Variants in UGT1A4 observed in about 807,000 individuals in gnomAD.
UGT1A4 encodes UDP-glucuronosyltransferase 1A4.
In UGT1A4, 32 loss-of-function variants were observed where a neutral mutation model predicts 41.1. The observed-to-expected ratio is 0.78, with a 90% CI of 0.59 to 1.05. The LOEUF (loss-of-function observed/expected upper bound fraction) is 1.05. Among genes scored for constraint, UGT1A4 ranks in the 50% least tolerant of loss-of-function variants. UGT1A4 has a pLI of 0.00. For missense variants in UGT1A4, 748 were observed against 677.4 expected (o/e 1.10, Z -1.16); for synonymous variants, 283 against 265.1 (o/e 1.07, Z -0.66).
chr2:233,771,766 C>T (rs1025155606), intron 4 of UGT1A4, among the ~76,000 whole-genome samples: 1 of 151,968 alleles, frequency 6.6e-6, no homozygotes, highest in African/African-American at 2.4e-5. Context: ...CTTCCTCCGT[C>T]CCTCTCTCCT....
chr2:233,729,088 C>A, intron 1 of UGT1A4: 8 of 1,612,432 alleles, frequency 5.0e-6, no homozygotes, highest in Non-Finnish European at 6.8e-6. Flanking sequence ...GCAGGCACAG[C>A]GTGGGGTGGA....
At chr2:233,743,661 G>C in intron 1 of UGT1A4, 1 of 1,367,236 alleles carries the variant, frequency 7.3e-7, no homozygotes, top group Non-Finnish European at 9.8e-7. Flanking sequence ...TACTCGAAGG[G>C]GTCCTCGAAG....
intron 1 of UGT1A4, among the ~76,000 whole-genome samples, chr2:233,764,749 G>A (rs2126012049): frequency 6.6e-6 from 1 of 152,298 alleles, no homozygotes; most frequent in East Asian, 1.9e-4. Flanking sequence ...GAGATGTGGT[G>A]CAGACCCTAG....
At chr2:233,736,661 C>T (rs568296788) in intron 1 of UGT1A4, among the ~76,000 whole-genome samples, 1 of 152,264 alleles carries the variant, frequency 6.6e-6, no homozygotes, top group Admixed American at 6.5e-5. Flanking sequence ...GTTTTATGTA[C>T]CTTAGGTCTT....
chr2:233,743,077 A>C (rs980978105), intron 1 of UGT1A4: 3 of 344,556 alleles, frequency 8.7e-6, no homozygotes, highest in African/African-American at 2.2e-5. Context: ...TGTTGGCATG[A>C]AGTGTTTATA....
intron 1 of UGT1A4, among the ~76,000 whole-genome samples, chr2:233,765,966 G>A (rs538817499): frequency 3.1e-4 from 47 of 152,252 alleles, no homozygotes; most frequent in African/African-American, 1.1e-3. Context: ...GTGTCTAGAG[G>A]TGGATGTTTA....
rs757687307 is a variant in UGT1A4, at chr2:233,767,853, T to A, written c.1004T>A (p.Leu335Gln). The change falls in exon 3 of 5, where the codon CTG (leucine) becomes CAG (glutamine). Residue 335 changes from leucine (L) to glutamine (Q), a missense_variant. Physicochemically the swap from Leu to Gln is moderately radical, Grantham distance 113 (BLOSUM62 -2). Transcript: ENST00000373409. ...DALGKIPQTV[L>Q]WRYTGTRPSN... ...TGCTCTTTTTGCCCCTCCCAGGTCCTGTGGCGGTACACTGGAACCCGACCA... is the reference window on the plus strand; with the variant it reads ...TGCTCTTTTTGCCCCTCCCAGGTCCAGTGGCGGTACACTGGAACCCGACCA... 7.4e-6 allele frequency: 12 copies of A among 1,614,210 alleles called. No homozygotes were observed. Among genetic ancestry groups the A allele is most frequent in the African/African-American group, 1.3e-5 (1 of 75,056 alleles).
intron 1 of UGT1A4, among the ~76,000 whole-genome samples, chr2:233,731,055 A>C (rs1216603492): frequency 1.3e-5 from 2 of 152,192 alleles, no homozygotes; most frequent in East Asian, 1.9e-4. Flanking sequence ...AATGTGTATG[A>C]ACTTCCATGA....
At chr2:233,763,140 C>T (rs1698247941) in intron 1 of UGT1A4, among the ~76,000 whole-genome samples, 1 of 152,192 alleles carries the variant, frequency 6.6e-6, no homozygotes, top group African/African-American at 2.4e-5. Context: ...ATTGATATAA[C>T]CATAAAAGTC....
chr2:233,722,051 T>C (rs1475748803), intron 1 of UGT1A4: 2 of 234,456 alleles, frequency 8.5e-6, no homozygotes, highest in Non-Finnish European at 1.7e-5. Flanking sequence ...GTGGTGTTTC[T>C]GGGTCAAGTG....
chr2:233,741,050 G>A (rs1276633164), intron 1 of UGT1A4, among the ~76,000 whole-genome samples: 2 of 151,768 alleles, frequency 1.3e-5, no homozygotes, highest in African/African-American at 4.9e-5. Context: ...TCTTGCCTAG[G>A]TAACAGCTAC....
Position 233,772,848 on chromosome 2 carries a change from A to T in UGT1A4, c.*289A>T. 1.3e-6 allele frequency: 1 copy of T among 775,120 alleles called. No homozygotes were observed. Among genetic ancestry groups the T allele is most frequent in the Non-Finnish European group, 1.8e-6 (1 of 542,660 alleles). The allele number at this position is 775,120 out of a possible 1,614,324, so 48.0% of individuals were successfully genotyped here. ...GCTGGCATTCTAGATTACTTTTCTT[A>T]CTCTGAAACATGGCCTGTTTGGGAG... On this transcript the variant is annotated 3_prime_UTR_variant, in exon 5 of 5. Coordinates refer to ENST00000373409, the MANE Select transcript of UGT1A4 (RefSeq NM_007120.3).
At chr2:233,752,137 C>T (rs1694900584) in intron 1 of UGT1A4, among the ~76,000 whole-genome samples, 1 of 152,200 alleles carries the variant, frequency 6.6e-6, no homozygotes, top group Non-Finnish European at 1.5e-5. Flanking sequence ...CAGAAAGGAT[C>T]ATTCCCTCTT....
intron 1 of UGT1A4, chr2:233,729,725 C>T (rs780989099): frequency 6.2e-7 from 1 of 1,613,968 alleles, no homozygotes; most frequent in South Asian, 1.1e-5. Flanking sequence ...TTACTAACAA[C>T]CAATTCAGAC....
intron 4 of UGT1A4, chr2:233,771,210 C>A: frequency 6.6e-6 from 1 of 152,206 alleles, no homozygotes. Context: ...GGACAAATAT[C>A]CAAACTGTAT....
chr2:233,730,924 C>G (rs2078090552), intron 1 of UGT1A4, among the ~76,000 whole-genome samples: 1 of 152,176 alleles, frequency 6.6e-6, no homozygotes, highest in Non-Finnish European at 1.5e-5. Context: ...AGGCAGCTTT[C>G]ATTAATCCAG....
chr2:233,735,210 C>T (rs1481104383), intron 1 of UGT1A4, among the ~76,000 whole-genome samples: 2 of 152,078 alleles, frequency 1.3e-5, no homozygotes, highest in Non-Finnish European at 2.9e-5. Context: ...GTATTGGGTG[C>T]ATATATATTT....
In UGT1A4 at chr2:233,724,282, G is replaced by C. The variant is rs1306983781; in HGVS notation, c.867+4595G>C. Among the ~76,000 whole-genome samples, 10 of 125,690 alleles carry C rather than the reference G, an allele frequency of 8.0e-5. No individual in the cohort carries two copies. In the East Asian group the frequency reaches 2.6e-3, roughly 32 times the overall value. 82.5% of individuals were successfully genotyped at this position (125,690 alleles called of 152,430 possible). On this transcript the variant is annotated intron_variant, in intron 1 of 4. Coordinates refer to ENST00000373409, the MANE Select transcript of UGT1A4 (RefSeq NM_007120.3). ...TCCCGGACGGGGCGGCTGGCCGGGC[G>C]GGGGGCTGACCCCCCCACCTCCCTC... is the stretch of plus-strand genomic sequence containing the variant.
chr2:233,748,145 T>A, intron 1 of UGT1A4: 1 of 1,605,604 alleles, frequency 6.2e-7, no homozygotes, highest in Non-Finnish European at 8.5e-7. Flanking sequence ...TTGTATTTAC[T>A]TACAATTGCT....
Sources: gnomAD v4.1 joint callset for allele counts (sites outside exome capture counted in the v4.1 genomes callset) on GRCh38, gnomAD v4.1.1 for gene constraint, MANE v1.5 for transcripts, NCBI Gene and HGNC (gene_info 2026-07-23, HGNC 2026-07-21) for gene names.